The following PIK3C2G variants were observed in gnomAD, a reference collection of about 807,000 sequenced individuals.
The protein encoded by PIK3C2G is phosphatidylinositol 3-kinase C2 domain-containing subunit gamma.
In PIK3C2G, 168 loss-of-function variants were observed where a neutral mutation model predicts 181.1. That is an observed-to-expected ratio of 0.93 (90% CI 0.82 to 1.05). The LOEUF (loss-of-function observed/expected upper bound fraction) is 1.05. Ranked by LOEUF, PIK3C2G falls within the 50% of genes least tolerant of loss-of-function variation. PIK3C2G has a pLI of 0.00. For missense variants in PIK3C2G, 1,869 were observed against 1,732.8 expected (o/e 1.08, Z -1.40); for synonymous variants, 573 against 592.2 (o/e 0.97, Z 0.47).
chr12:18,286,894 T>C lies in PIK3C2G; in HGVS notation c.726T>C (p.Asn242=), dbSNP rs750513093. 6 of 1,576,378 alleles carry C rather than the reference T, an allele frequency of 3.8e-6. No homozygotes were observed. In the East Asian group the frequency reaches 1.2e-4, roughly 30 times the overall value. ...IQLVEVPQSS[N]TSLASFCNKV... ...TAGTGGAAGTACCTCAAAGCAGCAATACGAGTCTGGCCTCTTTTTGCAACA... is the reference window on the plus strand; with the variant it reads ...TAGTGGAAGTACCTCAAAGCAGCAACACGAGTCTGGCCTCTTTTTGCAACA... The change falls in exon 3 of 33, where the codon AAT becomes AAC. Residue 242 remains asparagine, a synonymous_variant. Coordinates refer to ENST00000538779, the MANE Select transcript of PIK3C2G (RefSeq NM_001288772.2).
chr12:18,692,950 G>C, the PIK3C2G span: 1 of 1,499,552 alleles, frequency 6.7e-7, no homozygotes, highest in Non-Finnish European at 9.3e-7. Context: ...CACACTCAGT[G>C]CCAGTTAAAA....
intron 18 of PIK3C2G, among the ~76,000 whole-genome samples, chr12:18,441,821 G>C (rs1464715727): frequency 6.6e-6 from 1 of 152,124 alleles, no homozygotes; most frequent in Non-Finnish European, 1.5e-5. Context: ...ATGTGCTATA[G>C]ACAGAAGTGC....
At chr12:18,709,295 T>G in the PIK3C2G span, among the ~76,000 whole-genome samples, 1 of 152,286 alleles carries the variant, frequency 6.6e-6, no homozygotes, top group East Asian at 1.9e-4. Context: ...TTTGTCTTCT[T>G]GGTCTCCTTG....
At chr12:18,371,923 TC>T (rs1248571961) in intron 13 of PIK3C2G, among the ~76,000 whole-genome samples, 1 of 152,122 alleles carries the variant, frequency 6.6e-6, no homozygotes, top group Non-Finnish European at 1.5e-5. Context: ...TTTTTAAAAA[TC>T]AACCATTTTT....
chr12:18,285,102 G>C (rs958857817), intron 2 of PIK3C2G, among the ~76,000 whole-genome samples: 3 of 151,976 alleles, frequency 2.0e-5, no homozygotes, highest in African/African-American at 7.2e-5. Context: ...AATTAAAAGA[G>C]AAAATTAGGG....
intron 5 of PIK3C2G, among the ~76,000 whole-genome samples, chr12:18,297,918 T>C (rs989793836): frequency 2.6e-5 from 4 of 152,052 alleles, no homozygotes; most frequent in Non-Finnish European, 5.9e-5. Context: ...TCTTTCTTTC[T>C]TCATTCATTG....
intron 30 of PIK3C2G, among the ~76,000 whole-genome samples, chr12:18,596,045 C>A (rs965123468): frequency 6.6e-6 from 1 of 152,070 alleles, no homozygotes; most frequent in South Asian, 2.1e-4. Context: ...GGGTCATGCA[C>A]AGTGTCTGGC....
chr12:18,352,932 C>T (rs1000514440), intron 11 of PIK3C2G, among the ~76,000 whole-genome samples: 1 of 152,174 alleles, frequency 6.6e-6, no homozygotes, highest in Non-Finnish European at 1.5e-5. Flanking sequence ...GCTGCTCTGC[C>T]ACCCCTCTGC....
upstream of PIK3C2G, among the ~76,000 whole-genome samples, chr12:18,258,727 G>A (rs1312000544): frequency 7.3e-5 from 11 of 150,798 alleles, no homozygotes; most frequent in South Asian, 1.0e-3. Context: ...AATGAATATC[G>A]TCTTAAAATG....
chr12:18,650,700 GTGTGTATATATC>G (rs1565602485), downstream of PIK3C2G, among the ~76,000 whole-genome samples: 129 of 43,788 alleles, frequency 2.9e-3, 1 homozygote, highest in East Asian at 3.6e-3. Context: ...GTGTGTGTGT[GTGTGTATATATC>G]TATATATATA....
intron 18 of PIK3C2G, among the ~76,000 whole-genome samples, chr12:18,460,223 C>T (rs1419572247): frequency 1.3e-5 from 2 of 152,072 alleles, no homozygotes; most frequent in African/African-American, 4.8e-5. Context: ...CTCTCTGAGA[C>T]TCAGTTACTT....
chr12:18,399,274 A>T (rs1944101389), intron 15 of PIK3C2G, among the ~76,000 whole-genome samples: 1 of 151,768 alleles, frequency 6.6e-6, no homozygotes. Flanking sequence ...AAAAAATAAG[A>T]AAGTAAACGG....
chr12:18,460,012 G>C (rs139485235), intron 18 of PIK3C2G, among the ~76,000 whole-genome samples: 2 of 152,190 alleles, frequency 1.3e-5, no homozygotes. Context: ...TAAGATGCCC[G>C]CCTCGGCCTC....
At chr12:18,510,776 G>A (rs1021294882) in intron 24 of PIK3C2G, among the ~76,000 whole-genome samples, 5 of 151,836 alleles carry the variant, frequency 3.3e-5, no homozygotes, top group African/African-American at 1.2e-4. Context: ...TGCATTTATG[G>A]GATACAATGT....
At chr12:18,396,177 T>C (rs1464424259) in intron 15 of PIK3C2G, among the ~76,000 whole-genome samples, 1 of 151,656 alleles carries the variant, frequency 6.6e-6, no homozygotes, top group Non-Finnish European at 1.5e-5. Flanking sequence ...TTAGATTTTA[T>C]ATATAAGCAT....
chr12:18,499,720 C>T (rs1941274658), intron 22 of PIK3C2G, among the ~76,000 whole-genome samples: 1 of 152,184 alleles, frequency 6.6e-6, no homozygotes, highest in Non-Finnish European at 1.5e-5. Context: ...TTGCAAAACG[C>T]TGCTCAGGTG....
At chr12:18,322,131 T>A (rs1951140272) in intron 7 of PIK3C2G, among the ~76,000 whole-genome samples, 1 of 152,128 alleles carries the variant, frequency 6.6e-6, no homozygotes, top group Non-Finnish European at 1.5e-5. Flanking sequence ...ACGCTTGTAA[T>A]CCCAGCACTT....
chr12:18,298,617 T>C (rs1467882228), intron 5 of PIK3C2G, among the ~76,000 whole-genome samples: 1 of 151,878 alleles, frequency 6.6e-6, no homozygotes, highest in African/African-American at 2.4e-5. Flanking sequence ...ATAAAAAACT[T>C]GCCTACACCA....
chr12:18,408,489 G>A (rs1282533071), intron 16 of PIK3C2G, among the ~76,000 whole-genome samples: 2 of 152,092 alleles, frequency 1.3e-5, no homozygotes, highest in Non-Finnish European at 1.5e-5. Context: ...TTTGAAGTCA[G>A]GTAGCATGAT....
Sources: allele counts gnomAD v4.1 joint callset (sites outside exome capture counted in the v4.1 genomes callset), GRCh38; gene constraint gnomAD v4.1.1; transcripts MANE v1.5; gene names NCBI Gene and HGNC (gene_info 2026-07-23, HGNC 2026-07-21).